Variants in CPNE4 observed in about 807,000 individuals in gnomAD.
CPNE4 encodes the protein copine 4.
In CPNE4, 25 loss-of-function variants were observed where a neutral mutation model predicts 67.9. That is an observed-to-expected ratio of 0.37 (90% confidence interval 0.27 to 0.51). The LOEUF is 0.51. Ranked by LOEUF, CPNE4 falls within the 20% of genes least tolerant of loss-of-function variation. CPNE4 has a pLI of 0.93. For missense variants in CPNE4, 464 were observed against 690.8 expected, an observed-to-expected ratio of 0.67 and a Z score of 3.68; for synonymous variants, 242 against 244.9, an observed-to-expected ratio of 0.99 and a Z score of 0.11.
intron 2 of CPNE4, among the ~76,000 whole-genome samples, chr3:131,899,165 C>G (rs981725327): frequency 6.6e-6 from 1 of 152,052 alleles, no homozygotes; most frequent in Admixed American, 6.6e-5. Flanking sequence ...GGGACCTAGT[C>G]AAGTGAGTGT....
chr3:131,862,788 A>G (rs1366716854), intron 2 of CPNE4, among the ~76,000 whole-genome samples: 3 of 151,946 alleles, frequency 2.0e-5, no homozygotes, highest in Non-Finnish European at 2.9e-5. Flanking sequence ...TACATGTGCC[A>G]TGTTGGTGTG....
chr3:132,033,660 C>T (rs1000686566), intron 1 of CPNE4, among the ~76,000 whole-genome samples: 4 of 152,196 alleles, frequency 2.6e-5, no homozygotes, highest in Admixed American at 1.3e-4. Context: ...CCTGGGGCGC[C>T]GTCAGATTTG....
rs374449948 is a variant in CPNE4, at chr3:131,683,429, C to T, written c.591+2446G>A. 2.8e-4 allele frequency among the ~76,000 whole-genome samples: 42 copies of T among 152,234 alleles called. 1 individual carries two copies. The highest frequency in any genetic ancestry group is 9.1e-4 in the African/African-American group (38 of 41,556). ...GTCTAGAAATGTCGTCTCGGAGCTA[C>T]GGCCTGGAATGGGGACCTCAGGACT... On this transcript the variant is annotated intron_variant, in intron 6 of 15. Transcript: ENST00000429747.
chr3:131,662,086 C>T (rs1369539215), intron 7 of CPNE4, among the ~76,000 whole-genome samples: 2 of 151,990 alleles, frequency 1.3e-5, no homozygotes, highest in Non-Finnish European at 2.9e-5. Flanking sequence ...AAAAAATCAG[C>T]TTGAAACAGA....
At chr3:131,609,111 G>A (rs946759926) in intron 7 of CPNE4, among the ~76,000 whole-genome samples, 2 of 152,106 alleles carry the variant, frequency 1.3e-5, no homozygotes, top group Admixed American at 6.6e-5. Flanking sequence ...TCATTGCACA[G>A]TTGGGATCAT....
intron 2 of CPNE4, among the ~76,000 whole-genome samples, chr3:131,866,777 T>C (rs2107683198): frequency 6.6e-6 from 1 of 152,218 alleles, no homozygotes; most frequent in South Asian, 2.1e-4. Context: ...ACAGGGAAGA[T>C]TCATAAGGTA....
intron 14 of CPNE4, among the ~76,000 whole-genome samples, chr3:131,547,386 T>A (rs560001539): frequency 7.8e-6 from 1 of 129,008 alleles, no homozygotes; most frequent in Non-Finnish European, 1.6e-5. Context: ...GCCCAAAAGG[T>A]TCAAAGCTGT....
At chr3:131,566,250 C>T (rs181387707) in intron 10 of CPNE4, among the ~76,000 whole-genome samples, 12 of 151,812 alleles carry the variant, frequency 7.9e-5, no homozygotes, top group East Asian at 1.9e-4. Context: ...ATAAACTCTT[C>T]GTGACCAAAA....
At chr3:131,626,313 C>T (rs924277955) in intron 7 of CPNE4, among the ~76,000 whole-genome samples, 2 of 152,132 alleles carry the variant, frequency 1.3e-5, no homozygotes, top group Non-Finnish European at 2.9e-5. Context: ...GCAACAAACG[C>T]TTAGTCAAGT....
At chr3:131,896,944 G>A (rs1325874894) in intron 2 of CPNE4, among the ~76,000 whole-genome samples, 1 of 152,078 alleles carries the variant, frequency 6.6e-6, no homozygotes, top group Non-Finnish European at 1.5e-5. Flanking sequence ...ATGATTAAGA[G>A]TTTGGTTTAA....
At chr3:131,611,893 A>C (rs1939863050) in intron 7 of CPNE4, among the ~76,000 whole-genome samples, 1 of 152,118 alleles carries the variant, frequency 6.6e-6, no homozygotes, top group South Asian at 2.1e-4. Context: ...AAGTCACGAC[A>C]AATAAGCCCA....
intron 2 of CPNE4, among the ~76,000 whole-genome samples, chr3:131,810,491 C>T (rs1022420309): frequency 3.3e-5 from 5 of 151,950 alleles, no homozygotes; most frequent in African/African-American, 1.2e-4. Flanking sequence ...CACCTCACAC[C>T]TGTTAGGAAG....
At chr3:132,038,432 A>G (rs2074370373), upstream of CPNE4, among the ~76,000 whole-genome samples, 1 of 152,178 alleles carries the variant, frequency 6.6e-6, no homozygotes, top group African/African-American at 2.4e-5. Flanking sequence ...CTGTCTACCA[A>G]TAGGTGGCAT....
chr3:131,941,150 T>C (rs1340850958), intron 1 of CPNE4, among the ~76,000 whole-genome samples: 1 of 152,118 alleles, frequency 6.6e-6, no homozygotes, highest in Non-Finnish European at 1.5e-5. Flanking sequence ...AAGCATCAAC[T>C]GTTAAATTTT....
chr3:131,914,102 C>T (rs1265702693), intron 1 of CPNE4, among the ~76,000 whole-genome samples: 1 of 152,148 alleles, frequency 6.6e-6, no homozygotes, highest in Non-Finnish European at 1.5e-5. Context: ...TTGGGATAAT[C>T]CTTTTGTAGG....
rs1000791314 is a variant in CPNE4, at chr3:131,623,987, G to A, written c.682-36405C>T. ...AGCTCCTTTTCTCCTTATTTGTCAC[G>A]GCAGTTGTTTACCACCTTGACCTGC... On this transcript the variant is annotated intron_variant, in intron 7 of 15. Transcript: ENST00000429747. 3.3e-5 allele frequency among the ~76,000 whole-genome samples: 5 copies of A among 152,080 alleles called. No homozygotes were observed. In the South Asian group the frequency reaches 6.2e-4, roughly 19 times the overall value.
chr3:131,857,625 T>C (rs1203338894), intron 2 of CPNE4, among the ~76,000 whole-genome samples: 2 of 152,076 alleles, frequency 1.3e-5, no homozygotes, highest in African/African-American at 2.4e-5. Context: ...TCTACAGTTA[T>C]AGATAATTGG....
chr3:131,881,023 G>T (rs4854853), intron 2 of CPNE4, among the ~76,000 whole-genome samples: 1 of 151,830 alleles, frequency 6.6e-6, no homozygotes, highest in South Asian at 2.1e-4. Context: ...AAATTGGCCC[G>T]GTACTCACAG....
At chr3:131,871,543 G>A (rs2087205900) in intron 2 of CPNE4, among the ~76,000 whole-genome samples, 1 of 152,144 alleles carries the variant, frequency 6.6e-6, no homozygotes, top group Non-Finnish European at 1.5e-5. Context: ...CTTCATTGGG[G>A]AATGAAGTGT....
Sources: gnomAD v4.1 joint callset for allele counts (sites outside exome capture counted in the v4.1 genomes callset) on GRCh38, gnomAD v4.1.1 for gene constraint, MANE v1.5 for transcripts, NCBI Gene and HGNC (gene_info 2026-07-23, HGNC 2026-07-21) for gene names.